The following MED24 variants were observed in gnomAD, a reference collection of about 807,000 sequenced individuals.
MED24 encodes mediator complex subunit 24.
In MED24, 74 loss-of-function variants were observed where a neutral mutation model predicts 118.8. The ratio of observed to expected loss-of-function variants is 0.62; its 90% confidence interval spans 0.52 to 0.76. MED24 has a LOEUF of 0.76. Among genes scored for constraint, MED24 ranks in the 30% least tolerant of loss-of-function variants. The pLI, the probability that MED24 is intolerant of heterozygous loss-of-function variation, is 0.00. For synonymous variants in MED24, 521 were observed against 523.9 expected, an observed-to-expected ratio of 0.99 and a Z score of 0.08; for missense variants, 1,041 against 1,278.9, an observed-to-expected ratio of 0.81 and a Z score of 2.84.
intron 15 of MED24, 58 bp from the exon 16 acceptor site, chr17:40,027,523 G>C: frequency 2.0e-6 from 3 of 1,512,900 alleles, no homozygotes; most frequent in Non-Finnish European, 2.7e-6. Flanking sequence ...GCCCGTGTCT[G>C]GGTTGACAGG....
At chr17:40,045,122 C>G (rs1985020050) in intron 3 of MED24, among the ~76,000 whole-genome samples, 1 of 152,070 alleles carries the variant, frequency 6.6e-6, no homozygotes, top group Non-Finnish European at 1.5e-5. Context: ...TTGATTATAA[C>G]AGTAAAAAAT....
In MED24 at chr17:40,022,783, A is replaced by G. The variant is rs1228358200; in HGVS notation, c.2294T>C (p.Val765Ala). The G allele has an allele frequency of 6.2e-7, 1 of 1,613,648 alleles. No homozygotes were observed. Among genetic ancestry groups the G allele is most frequent in the African/African-American group, 1.3e-5 (1 of 74,872 alleles). ...GCAGAAGATGGAGTAGAGCAGCTCC[A>G]CTGCCCGCAGCGTGTGCTCCTTCCG... ...ETRKEHTLRA[V>A]ELLYSIFCLD... Residue 765 changes from valine (V) to alanine (A), a missense_variant, in exon 21 of 26, where the codon GTG (valine) becomes GCG (alanine). Around this residue, in one of 3 missense-constraint regions of MED24, gnomAD observed 587 missense variants for 694.4 expected, o/e 0.85. Coordinates refer to ENST00000394128, the MANE Select transcript of MED24 (RefSeq NM_014815.4).
At chr17:40,041,306 C>T (rs563098375) in intron 3 of MED24, among the ~76,000 whole-genome samples, 1 of 152,294 alleles carries the variant, frequency 6.6e-6, no homozygotes, top group East Asian at 1.9e-4. Context: ...CTTTTCTTCC[C>T]TACTCTCTGG....
In MED24 at chr17:40,026,638, C is replaced by A; in HGVS notation, c.1809+9G>T. On this transcript the variant is annotated intron_variant, in intron 18 of 25. Transcript: ENST00000394128. ...AGGGGAGCAAACGCTGCTGGGAAGG[C>A]GGGGCTACCTGGATGGACTCGAAGG... 1 of 1,599,164 alleles carries A rather than the reference C, an allele frequency of 6.3e-7. No homozygotes were observed. Among genetic ancestry groups the A allele is most frequent in the Non-Finnish European group, 8.5e-7 (1 of 1,172,168 alleles).
intron 19 of MED24, chr17:40,023,724 C>T (rs961416963): frequency 1.5e-5 from 4 of 266,640 alleles, no homozygotes; most frequent in Non-Finnish European, 2.8e-5. Flanking sequence ...TGCCAACCTG[C>T]CACATAAATA....
At chr17:40,045,003 T>C (rs1195018986) in intron 3 of MED24, among the ~76,000 whole-genome samples, 2 of 152,198 alleles carry the variant, frequency 1.3e-5, no homozygotes, top group South Asian at 2.1e-4. Flanking sequence ...TCTACTATAA[T>C]TTAGTATGTG....
intron 3 of MED24, 110 bp downstream of exon 3, chr17:40,053,188 G>T: frequency 1.9e-6 from 2 of 1,055,010 alleles, no homozygotes; most frequent in Non-Finnish European, 2.7e-6. Context: ...GCCTGCCTCA[G>T]CCTCCCACAA....
chr17:40,045,841 G>A (rs190237726), intron 3 of MED24, among the ~76,000 whole-genome samples: 1,579 of 152,270 alleles, frequency 0.01, 23 homozygotes, highest in African/African-American at 0.036. Context: ...ACAGTGGTTC[G>A]ATCTTGGCTC....
At position 40,035,780 on chromosome 17, in the gene MED24, G is replaced by A. The variant is rs747015081; in HGVS notation, c.268C>T (p.Arg90Trp). The change falls in exon 5 of 26, where the codon CGG (arginine) becomes TGG (tryptophan). Residue 90 changes from arginine to tryptophan, a missense_variant. Around this residue, in one of 3 missense-constraint regions of MED24, gnomAD observed 434 missense variants for 514.9 expected, o/e 0.84. Transcript: ENST00000394128. ...TAISKFDDFS[R>W]DLCVQALLDI... ...AGCAATGCCTGGACACACAGGTCCC[G>A]AGAAAAGTCATCAAACTGTGGAAAG... 44 of 1,613,886 alleles carry A rather than the reference G, an allele frequency of 2.7e-5. No individual in the cohort carries two copies. In the South Asian group the frequency reaches 2.9e-4, roughly 10 times the overall value.
intron 3 of MED24, among the ~76,000 whole-genome samples, chr17:40,039,956 TG>T (rs1284856792): frequency 6.4e-5 from 9 of 140,544 alleles, no homozygotes; most frequent in Admixed American, 1.4e-4. Flanking sequence ...GCTAATTTTT[TG>T]TATTCTTAGT....
At chr17:40,042,214 A>C (rs564364023) in intron 3 of MED24, among the ~76,000 whole-genome samples, 1 of 152,340 alleles carries the variant, frequency 6.6e-6, no homozygotes, top group South Asian at 2.1e-4. Context: ...GGATTAAAAT[A>C]TAATAGGATT....
chr17:40,050,177 T>TA (rs1985682066), intron 3 of MED24, among the ~76,000 whole-genome samples: 1 of 122,898 alleles, frequency 8.1e-6, no homozygotes, highest in Non-Finnish European at 1.6e-5. Flanking sequence ...AAAAGAGAGA[T>TA]ACGCATTCAG....
intron 3 of MED24, among the ~76,000 whole-genome samples, chr17:40,037,600 A>G (rs1984089680): frequency 6.6e-6 from 1 of 152,136 alleles, no homozygotes; most frequent in East Asian, 1.9e-4. Context: ...GGTTATTTAA[A>G]TTTAAATTAA....
rs1331018983 is a variant in MED24 at position 40,019,659 on chromosome 17, A to G, written c.2854-14T>C. 4 of 1,586,170 alleles carry G rather than the reference A, an allele frequency of 2.5e-6. No individual in the cohort carries two copies. Among genetic ancestry groups the G allele is most frequent in the Non-Finnish European group, 3.4e-6 (4 of 1,162,224 alleles). On this transcript the variant is annotated splice_polypyrimidine_tract_variant and intron_variant, in intron 25 of 25. Coordinates refer to ENST00000394128, the MANE Select transcript of MED24 (RefSeq NM_014815.4). ...CAGTTCCGACACCTGCCACGGACAG[A>G]CAGATGCTGCTTGCGGGACGGCTGG...
chr17:40,044,878 C>CAAAA lies in MED24; in HGVS notation c.213+8416_213+8419dup, dbSNP rs5820328. ...TGGGCGACACAGCGAGACTCCATCT[C>CAAAA]AAAAAAAAAAAAAAAAATTATATCC... On this transcript the variant is annotated intron_variant, in intron 3 of 25. Transcript: ENST00000394128. 4.9e-3 allele frequency among the ~76,000 whole-genome samples: 561 copies of CAAAA among 113,716 alleles called. 11 individuals carry two copies. Among genetic ancestry groups the CAAAA allele is most frequent in the African/African-American group, 0.019 (535 of 28,398 alleles). The allele number at this position is 113,716 out of a possible 152,430, so 74.6% of individuals were successfully genotyped here.
At chr17:40,037,827 C>T (rs897387914) in intron 3 of MED24, among the ~76,000 whole-genome samples, 1 of 151,252 alleles carries the variant, frequency 6.6e-6, no homozygotes, top group Non-Finnish European at 1.5e-5. Flanking sequence ...AGGAGAATGG[C>T]GTGAACCCGG....
chr17:40,034,451 C>T (rs983022606), intron 6 of MED24, among the ~76,000 whole-genome samples: 3 of 152,172 alleles, frequency 2.0e-5, no homozygotes, highest in African/African-American at 7.2e-5. Flanking sequence ...GAACAAGAGA[C>T]CTGTAGGTGG....
Position 40,035,742 on chromosome 17 carries a change from G to T in MED24, c.306C>A (p.Asp102Glu). The T allele has an allele frequency of 6.2e-7, 1 of 1,614,074 alleles. No individual in the cohort carries two copies. The highest frequency in any genetic ancestry group is 1.1e-5 in the South Asian group (1 of 91,068). Residue 102 changes from aspartate to glutamate, a missense_variant, in exon 5 of 26, where the codon GAC becomes GAA. Physicochemically the swap from Asp to Glu is conservative, Grantham distance 45. Coordinates refer to ENST00000394128, the MANE Select transcript of MED24 (RefSeq NM_014815.4). ...CTTACCTCAGACGGTCACAAAACAT[G>T]TCCATGATGTCCAGCAATGCCTGGA... ...LCVQALLDIM[D>E]MFCDRLSCHG...
rs372671834 is a variant in MED24 at position 40,033,180 on chromosome 17, G to A, written c.698C>T (p.Ala233Val). 6.2e-6 allele frequency: 10 copies of A among 1,613,920 alleles called. No individual in the cohort carries two copies. Among genetic ancestry groups the A allele is most frequent in the African/African-American group, 2.7e-5 (2 of 74,916 alleles). The change falls in exon 8 of 26, where the codon GCG (alanine) becomes GTG (valine). Residue 233 changes from alanine to valine, a missense_variant. Transcript: ENST00000394128. The surrounding 1 kb of genome is among the most constrained non-coding windows in gnomAD (Gnocchi z 5.2). ...GAAGCCGGTCTTGTGCATCTGCTCCGCATGCACAGACAGCATCGTGGGGAT... is the reference window on the plus strand; with the variant it reads ...GAAGCCGGTCTTGTGCATCTGCTCCACATGCACAGACAGCATCGTGGGGAT... ...RSIPTMLSVH[A>V]EQMHKTGFPT...
Sources: gnomAD v4.1 joint callset for allele counts (sites outside exome capture counted in the v4.1 genomes callset) on GRCh38, gnomAD v4.1.1 for gene constraint, gnomAD v4.1.1 regional missense constraint, Gnocchi (gnomAD v3.1) non-coding constraint, MANE v1.5 for transcripts, NCBI Gene and HGNC (gene_info 2026-07-23, HGNC 2026-07-21) for gene names.